The following PITPNC1 variants were observed in gnomAD, a reference collection of about 807,000 sequenced individuals.
PITPNC1 encodes cytoplasmic phosphatidylinositol transfer protein 1.
In PITPNC1, 18 loss-of-function variants were observed where a neutral mutation model predicts 44.7. The ratio of observed to expected loss-of-function variants is 0.40; its 90% CI spans 0.28 to 0.60. The LOEUF is 0.60. PITPNC1 is among the 20% of genes least tolerant of loss of function. PITPNC1 has a pLI of 0.39. For synonymous variants in PITPNC1, 141 were observed against 149.6 expected, an observed-to-expected ratio of 0.94 and a Z score of 0.42; for missense variants, 290 against 418.4, an observed-to-expected ratio of 0.69 and a Z score of 2.68.
intron 4 of PITPNC1, among the ~76,000 whole-genome samples, chr17:67,556,265 G>T (rs1421698817): frequency 6.6e-6 from 1 of 152,342 alleles, no homozygotes; most frequent in East Asian, 1.9e-4. Context: ...GAGACAGGAA[G>T]AAAAGTACAC....
At chr17:67,467,024 AGCT>A (rs1295321186) in intron 1 of PITPNC1, among the ~76,000 whole-genome samples, 1 of 143,644 alleles carries the variant, frequency 7.0e-6, no homozygotes, top group Non-Finnish European at 1.5e-5. Flanking sequence ...TTCCCAATTT[AGCT>A]GAAAAGGGAC....
chr17:67,442,792 T>G (rs534831899), intron 1 of PITPNC1, among the ~76,000 whole-genome samples: 4 of 151,842 alleles, frequency 2.6e-5, no homozygotes, highest in African/African-American at 7.3e-5. Flanking sequence ...AGACGAAGGG[T>G]TGCAGTGAGC....
rs376814419 is a variant in PITPNC1 at position 67,468,618 on chromosome 17, G to T, written c.49-64184G>T. On this transcript the variant is annotated intron_variant, in intron 1 of 8. Transcript: ENST00000581322. ...CGGGGTTTCACCGTGTTAGCCAGGA[G>T]GGTCTCGATCTCCTGACCTCGTGAT... is the stretch of plus-strand genomic sequence containing the variant. 2.8e-3 allele frequency among the ~76,000 whole-genome samples: 421 copies of T among 151,020 alleles called. 3 individuals are homozygous for T. Among genetic ancestry groups the T allele is most frequent in the Middle Eastern group, 0.017 (5 of 290 alleles).
At chr17:67,379,505 A>C (rs1275047181) in intron 1 of PITPNC1, 1 of 395,866 alleles carries the variant, frequency 2.5e-6, no homozygotes. Context: ...CAGAATGAAC[A>C]ACCGAGTTTT....
At chr17:67,658,046 G>C (rs1249346030) in intron 6 of PITPNC1, among the ~76,000 whole-genome samples, 1 of 152,198 alleles carries the variant, frequency 6.6e-6, no homozygotes, top group Non-Finnish European at 1.5e-5. Flanking sequence ...GGCAAGGTCG[G>C]GCACAGCCAA....
intron 5 of PITPNC1, among the ~76,000 whole-genome samples, chr17:67,600,478 C>A (rs1041828301): frequency 2.6e-5 from 4 of 151,732 alleles, no homozygotes; most frequent in African/African-American, 4.8e-5. Flanking sequence ...AAATTAGGAA[C>A]CAAAAAAGAA....
chr17:67,675,149 G>T (rs1240962563), intron 7 of PITPNC1, among the ~76,000 whole-genome samples: 4 of 152,084 alleles, frequency 2.6e-5, no homozygotes, highest in African/African-American at 9.7e-5. Context: ...TAAATGGAGA[G>T]AAAAACTTCA....
intron 1 of PITPNC1, among the ~76,000 whole-genome samples, chr17:67,510,387 C>T (rs12946100): frequency 0.11 from 16,233 of 152,192 alleles, 1,098 homozygotes; most frequent in African/African-American, 0.2. Context: ...AGCTGATGTG[C>T]GCACCCCTTT....
intron 2 of PITPNC1, among the ~76,000 whole-genome samples, chr17:67,545,345 A>G (rs2570041): frequency 0.96 from 146,326 of 152,236 alleles, 70,338 homozygotes; most frequent in East Asian, 0.99. Flanking sequence ...TTGGGAGGCC[A>G]AGCAGGCAGA....
intron 4 of PITPNC1, among the ~76,000 whole-genome samples, chr17:67,572,744 A>G (rs1333465764): frequency 7.3e-5 from 11 of 150,128 alleles, no homozygotes; most frequent in Admixed American, 4.0e-4. Flanking sequence ...GGCTGAGAGT[A>G]CCATGGCCAA....
intron 1 of PITPNC1, among the ~76,000 whole-genome samples, chr17:67,521,749 T>C (rs1337917524): frequency 6.6e-6 from 1 of 152,146 alleles, no homozygotes; most frequent in Admixed American, 6.5e-5. Context: ...CAATTGGAAT[T>C]GGTCTCACTG....
chr17:67,382,561 A>G (rs1262739341), intron 1 of PITPNC1, among the ~76,000 whole-genome samples: 1 of 152,128 alleles, frequency 6.6e-6, no homozygotes, highest in Non-Finnish European at 1.5e-5. Context: ...ATAGAGAGAA[A>G]GTTGTCATTA....
chr17:67,585,164 T>C (rs1257928503), intron 5 of PITPNC1, among the ~76,000 whole-genome samples: 1 of 147,572 alleles, frequency 6.8e-6, no homozygotes, highest in Non-Finnish European at 1.5e-5. Context: ...CCATTAATCA[T>C]GGAGTAGGGG....
At chr17:67,536,336 G>T (rs1210543247) in intron 2 of PITPNC1, among the ~76,000 whole-genome samples, 1 of 152,116 alleles carries the variant, frequency 6.6e-6, no homozygotes, top group Non-Finnish European at 1.5e-5. Context: ...GCAATCTCGT[G>T]CCTTAGCCTC....
chr17:67,557,865 T>A (rs2040859391), intron 4 of PITPNC1, among the ~76,000 whole-genome samples: 1 of 152,250 alleles, frequency 6.6e-6, no homozygotes, highest in African/African-American at 2.4e-5. Context: ...CTTCTTGCTG[T>A]CTTTCCCAAG....
chr17:67,399,687 A>G (rs1352716958), intron 1 of PITPNC1, among the ~76,000 whole-genome samples: 1 of 152,232 alleles, frequency 6.6e-6, no homozygotes, highest in Non-Finnish European at 1.5e-5. Flanking sequence ...CAAATGGCAA[A>G]TTCCAACAGT....
chr17:67,693,752 C>G lies in PITPNC1; in HGVS notation c.*864C>G, dbSNP rs1402645278. 1.3e-5 allele frequency: 2 copies of G among 152,234 alleles called. No individual in the cohort carries two copies. The highest frequency in any genetic ancestry group is 4.8e-5 in the African/African-American group (2 of 41,462). The allele number at this position is 152,234 out of a possible 1,614,324, so 9.4% of individuals were successfully genotyped here. On this transcript the variant is annotated 3_prime_UTR_variant, in exon 9 of 9. Coordinates refer to ENST00000581322, the MANE Select transcript of PITPNC1 (RefSeq NM_012417.4). ...CAATTAATTGAATAGAATTCATTTACTATCTGCCCACTCAAAGAAGTACAA... is the reference window on the plus strand; with the variant it reads ...CAATTAATTGAATAGAATTCATTTAGTATCTGCCCACTCAAAGAAGTACAA...
At chr17:67,610,898 C>T (rs143740556) in intron 5 of PITPNC1, among the ~76,000 whole-genome samples, 67 of 138,560 alleles carry the variant, frequency 4.8e-4, no homozygotes, top group Middle Eastern at 4.0e-3. Flanking sequence ...TCCAGCCTGG[C>T]GACAGGGTGA....
intron 5 of PITPNC1, among the ~76,000 whole-genome samples, chr17:67,586,734 A>C (rs570555096): frequency 3.3e-4 from 51 of 152,340 alleles, no homozygotes; most frequent in African/African-American, 1.2e-3. Context: ...CAGTTTTCCC[A>C]ATAATGTACT....
Sources: allele counts gnomAD v4.1 joint callset (sites outside exome capture counted in the v4.1 genomes callset), GRCh38; gene constraint gnomAD v4.1.1; transcripts MANE v1.5; gene names NCBI Gene and HGNC (gene_info 2026-07-23, HGNC 2026-07-21).